The following EFHC2 variants were observed in gnomAD, a reference collection of about 807,000 sequenced individuals.
EFHC2 encodes EF-hand domain containing 2.
A neutral mutation model predicts 52.7 loss-of-function variants in EFHC2; 18 were observed. That is an observed-to-expected ratio of 0.34 (90% confidence interval 0.24 to 0.51). The LOEUF (loss-of-function observed/expected upper bound fraction) is 0.51, where lower values mean the gene tolerates loss of function less well. Among genes scored for constraint, EFHC2 ranks in the 20% least tolerant of loss-of-function variants. EFHC2 has a pLI of 0.97. For synonymous variants in EFHC2, 203 were observed against 204.1 expected (o/e 0.99, Z 0.04); for missense variants, 513 against 562.5 (o/e 0.91, Z 0.89).
At chrX:44,199,909 T>C (rs957550376) in intron 11 of EFHC2, among the ~76,000 whole-genome samples, 4 of 111,753 alleles carry the variant, frequency 3.6e-5, no homozygotes, top group African/African-American at 1.3e-4. Flanking sequence ...AGTATCAAGG[T>C]CATAAAAGAC....
chrX:44,199,505 T>C (rs760907639), intron 11 of EFHC2, among the ~76,000 whole-genome samples: 1 of 112,656 alleles, frequency 8.9e-6, no homozygotes, highest in African/African-American at 3.2e-5. Context: ...ATTAGACCAG[T>C]TTATAAGCTA....
intron 2 of EFHC2, among the ~76,000 whole-genome samples, chrX:44,289,977 G>A (rs752342730): frequency 5.0e-4 from 56 of 111,875 alleles, no homozygotes; most frequent in East Asian, 1.1e-3. Flanking sequence ...CTCGGCACCC[G>A]GCCCGGTCTA....
chrX:44,239,907 G>C (rs1313228345), intron 8 of EFHC2, among the ~76,000 whole-genome samples: 2 of 111,425 alleles, frequency 1.8e-5, no homozygotes, highest in Non-Finnish European at 3.8e-5. Flanking sequence ...GGCTACCGCA[G>C]TGATATCTAC....
chrX:44,334,717 G>C (rs1039973114), intron 1 of EFHC2, among the ~76,000 whole-genome samples: 28 of 111,346 alleles, frequency 2.5e-4, no homozygotes, highest in African/African-American at 8.8e-4. Context: ...CAGGTGATCC[G>C]CCTGCCTCAG....
At chrX:44,165,207 CTTATAT>C (rs1343623056) in intron 13 of EFHC2, among the ~76,000 whole-genome samples, 1 of 111,580 alleles carries the variant, frequency 9.0e-6, no homozygotes, top group Non-Finnish European at 1.9e-5. Context: ...AAATTAATAG[CTTATAT>C]TTATAAACTA....
At position 44,271,683 on chromosome X, in the gene EFHC2, G is replaced by A. The variant is rs1240753349; in HGVS notation, c.382+1003C>T. The stretch of plus-strand genomic sequence containing the variant: ...TACACGAGGGAACAAACAAATCTGT[G>A]ACTCTCCTCTCCTCCGCCCCTACAC... On this transcript the variant is annotated intron_variant, in intron 3 of 14. Transcript: ENST00000420999. Among the ~76,000 whole-genome samples the A allele has an allele frequency of 2.7e-5, 3 of 110,479 alleles. No homozygotes were observed. In the Admixed American group the frequency reaches 2.9e-4, roughly 11 times the overall value.
intron 14 of EFHC2, among the ~76,000 whole-genome samples, chrX:44,154,211 G>A (rs934055052): frequency 5.3e-5 from 6 of 112,786 alleles, no homozygotes; most frequent in African/African-American, 1.9e-4. Context: ...TTTGCCCTTG[G>A]GCTTCTCTTT....
intron 2 of EFHC2, among the ~76,000 whole-genome samples, chrX:44,300,780 C>T (rs765789981): frequency 1.8e-5 from 2 of 110,924 alleles, no homozygotes; most frequent in African/African-American, 6.6e-5. Flanking sequence ...CTAAACCTCC[C>T]CAAATTGCTC....
chrX:44,285,315 A>G (rs1299082889), intron 2 of EFHC2: 5 of 111,390 alleles, frequency 4.5e-5, no homozygotes, highest in Non-Finnish European at 7.5e-5. Flanking sequence ...TTATTTTACT[A>G]CTCCAGAAAT....
At chrX:44,217,717 G>A (rs919110777) in intron 11 of EFHC2, among the ~76,000 whole-genome samples, 2 of 110,603 alleles carry the variant, frequency 1.8e-5, no homozygotes, top group African/African-American at 6.6e-5. Flanking sequence ...GGGGGAGAGG[G>A]GAGGGCAGCA....
chrX:44,299,827 G>A lies in EFHC2; in HGVS notation c.231+12741C>T, dbSNP rs143141177. On this transcript the variant is annotated intron_variant, in intron 2 of 14. Coordinates refer to ENST00000420999, the MANE Select transcript of EFHC2 (RefSeq NM_025184.4). ...CCATGTTGCAGAAGGTAAAATCCTG[G>A]TTTTGATAAGGTATATCAAACTGTT... Among the ~76,000 whole-genome samples, 17 of 111,685 alleles carry A rather than the reference G, an allele frequency of 1.5e-4. No homozygotes were observed. In the East Asian group the frequency reaches 4.8e-3, roughly 32 times the overall value.
At chrX:44,174,652 G>A (rs1289377629) in intron 13 of EFHC2, among the ~76,000 whole-genome samples, 2 of 82,710 alleles carry the variant, frequency 2.4e-5, no homozygotes, top group Middle Eastern at 5.2e-3. Context: ...AAAAAAAAAA[G>A]GGGGGGGGAG....
At chrX:44,333,118 C>T (rs1448633079) in intron 1 of EFHC2, among the ~76,000 whole-genome samples, 2 of 111,383 alleles carry the variant, frequency 1.8e-5, no homozygotes, top group Non-Finnish European at 3.8e-5. Context: ...GCACTGAGAA[C>T]GTGAAGGGCA....
chrX:44,186,178 T>C (rs1466760323), intron 11 of EFHC2, among the ~76,000 whole-genome samples: 2 of 112,010 alleles, frequency 1.8e-5, no homozygotes, highest in East Asian at 5.6e-4. Context: ...CCAAACAAAA[T>C]GAGATATTTT....
intron 1 of EFHC2, among the ~76,000 whole-genome samples, chrX:44,335,479 T>C (rs1371654575): frequency 9.0e-6 from 1 of 111,574 alleles, no homozygotes; most frequent in Non-Finnish European, 1.9e-5. Flanking sequence ...ATGATTTAAA[T>C]GAAACTAAAA....
At chrX:44,294,920 T>C (rs1394194908) in intron 2 of EFHC2, among the ~76,000 whole-genome samples, 4 of 112,481 alleles carry the variant, frequency 3.6e-5, no homozygotes, top group Non-Finnish European at 5.6e-5. Flanking sequence ...TAGCCAACAC[T>C]GATTAAGTAC....
intron 4 of EFHC2, among the ~76,000 whole-genome samples, chrX:44,253,764 G>A (rs1025693796): frequency 8.9e-6 from 1 of 112,069 alleles, no homozygotes; most frequent in Non-Finnish European, 1.9e-5. Context: ...CACAGTGCTC[G>A]AGCTCTGCTA....
At chrX:44,333,027 A>G (rs2038097082) in intron 1 of EFHC2, among the ~76,000 whole-genome samples, 1 of 111,609 alleles carries the variant, frequency 9.0e-6, no homozygotes, top group Admixed American at 9.6e-5. Flanking sequence ...GTTTATTTCC[A>G]TCTATGTTTC....
Position 44,232,588 on chromosome X carries a change from C to A in EFHC2, c.1513G>T (p.Ala505Ser). ...FKSELSEYIK[A>S]EELYIGVTVN... ...GTGACTCCAATGTACAGCTCCTCGG[C>A]CTTGATATATTCAGATAGTTCACTT... The change falls in exon 10 of 15, where the codon GCC becomes TCC. Residue 505 changes from alanine to serine, a missense_variant. Coordinates refer to ENST00000420999, the MANE Select transcript of EFHC2 (RefSeq NM_025184.4). The A allele has an allele frequency of 8.4e-7, 1 of 1,195,368 alleles. No homozygotes were observed. The highest frequency in any genetic ancestry group is 1.1e-6 in the Non-Finnish European group (1 of 886,813).
Sources: allele counts gnomAD v4.1 joint callset (sites outside exome capture counted in the v4.1 genomes callset), GRCh38; gene constraint gnomAD v4.1.1; transcripts MANE v1.5; gene names NCBI Gene and HGNC (gene_info 2026-07-23, HGNC 2026-07-21).